The following NRXN3 variants were observed in gnomAD, a reference collection of about 807,000 sequenced individuals.
The protein encoded by NRXN3 is neurexin 3, also known as neurexin III.
A neutral mutation model predicts 137.6 loss-of-function variants in NRXN3; 32 were observed. The observed-to-expected ratio is 0.23, with a 90% CI of 0.18 to 0.31. The LOEUF is 0.31. NRXN3 is among the 10% of genes least tolerant of loss of function. NRXN3 has a pLI of 1.00. For missense variants in NRXN3, 1,574 were observed against 2,062.5 expected (o/e 0.76, Z 4.59); for synonymous variants, 798 against 784.5 (o/e 1.02, Z -0.29).
intron 4 of NRXN3, among the ~76,000 whole-genome samples, chr14:78,528,460 G>A (rs569758352): frequency 2.6e-5 from 4 of 152,188 alleles, no homozygotes; most frequent in East Asian, 3.9e-4. Context: ...CGGGATGGTT[G>A]TTTTATTTGA....
At position 79,468,262 on chromosome 14, in the gene NRXN3, T is replaced by C. The variant is rs144523713; in HGVS notation, c.3444+860T>C. On this transcript the variant is annotated intron_variant, in intron 16 of 20. Coordinates refer to ENST00000335750, the MANE Select transcript of NRXN3 (RefSeq NM_001330195.2). ...TTTGTTATAAGGATGGAAAATATTT[T>C]TACAGCAACAATTAACCCATTTTAT... 1.3e-3 allele frequency among the ~76,000 whole-genome samples: 201 copies of C among 152,304 alleles called. 2 individuals carry two copies. The East Asian group carries it at 0.015, about 11-fold the overall frequency.
chr14:78,951,780 A>G (rs1053749499), intron 10 of NRXN3, among the ~76,000 whole-genome samples: 1 of 152,162 alleles, frequency 6.6e-6, no homozygotes, highest in Non-Finnish European at 1.5e-5. Context: ...CTGATGCTCA[A>G]TTAGCATTTG....
chr14:79,747,939 A>T (rs2098984661), intron 19 of NRXN3, among the ~76,000 whole-genome samples: 1 of 151,984 alleles, frequency 6.6e-6, no homozygotes. Flanking sequence ...GGTTATTGTG[A>T]ACTCTAAATA....
chr14:79,730,158 T>C (rs1479766562), intron 19 of NRXN3, among the ~76,000 whole-genome samples: 1 of 152,144 alleles, frequency 6.6e-6, no homozygotes, highest in Non-Finnish European at 1.5e-5. Flanking sequence ...CTCTTCTTTT[T>C]CCTACTAAAG....
intron 10 of NRXN3, among the ~76,000 whole-genome samples, chr14:78,872,257 A>G (rs1231968094): frequency 4.1e-5 from 6 of 147,756 alleles, no homozygotes; most frequent in Non-Finnish European, 7.5e-5. Flanking sequence ...TTTATTATAT[A>G]TGTATATATA....
chr14:79,216,540 G>T (rs73325846), intron 15 of NRXN3, among the ~76,000 whole-genome samples: 1 of 152,102 alleles, frequency 6.6e-6, no homozygotes, highest in East Asian at 1.9e-4. Flanking sequence ...CTACAATATT[G>T]TTTGGTCATC....
chr14:78,314,913 TTC>T (rs2078430838), intron 4 of NRXN3, among the ~76,000 whole-genome samples: 1 of 113,156 alleles, frequency 8.8e-6, no homozygotes, highest in Non-Finnish European at 1.7e-5. Context: ...CTTTCTTTCT[TTC>T]TTTCTTTCTT....
chr14:78,333,057 A>G (rs2081027431), intron 4 of NRXN3, among the ~76,000 whole-genome samples: 1 of 152,178 alleles, frequency 6.6e-6, no homozygotes, highest in African/African-American at 2.4e-5. Flanking sequence ...GGGCCTTTCC[A>G]AAGATTGTGT....
chr14:78,695,318 C>A (rs373765824), intron 6 of NRXN3: 1 of 151,976 alleles, frequency 6.6e-6, no homozygotes, highest in East Asian at 1.9e-4. Flanking sequence ...TTACAGTTTC[C>A]ATGGATTAGG....
chr14:79,428,642 A>T (rs2153546637), intron 15 of NRXN3, among the ~76,000 whole-genome samples: 1 of 152,302 alleles, frequency 6.6e-6, no homozygotes, highest in Admixed American at 6.5e-5. Context: ...TGACCATCTA[A>T]ATATATAGCA....
At chr14:78,913,353 C>T (rs1483813433) in intron 10 of NRXN3, among the ~76,000 whole-genome samples, 1 of 137,126 alleles carries the variant, frequency 7.3e-6, no homozygotes, top group East Asian at 2.4e-4. Context: ...AATCTCAGTC[C>T]ACTGCAACCT....
chr14:78,355,565 C>T (rs529122537), intron 4 of NRXN3, among the ~76,000 whole-genome samples: 108 of 152,232 alleles, frequency 7.1e-4, no homozygotes, highest in African/African-American at 2.3e-3. Flanking sequence ...ATTATAGGCA[C>T]GTACCACTAT....
chr14:78,604,638 T>A (rs2097232151), intron 4 of NRXN3, among the ~76,000 whole-genome samples: 1 of 152,176 alleles, frequency 6.6e-6, no homozygotes, highest in African/African-American at 2.4e-5. Context: ...ATTTTAGAGA[T>A]CCCCTTCATT....
chr14:79,452,784 A>G (rs1054465187), intron 15 of NRXN3, among the ~76,000 whole-genome samples: 8 of 152,222 alleles, frequency 5.3e-5, no homozygotes, highest in South Asian at 4.1e-4. Context: ...CACTAGCAAA[A>G]GTCATTGTCT....
At chr14:79,249,270 CTG>C (rs2075627838) in intron 15 of NRXN3, among the ~76,000 whole-genome samples, 1 of 152,110 alleles carries the variant, frequency 6.6e-6, no homozygotes, top group Non-Finnish European at 1.5e-5. Flanking sequence ...CATTACAAAA[CTG>C]TGTCTGGCAC....
intron 15 of NRXN3, among the ~76,000 whole-genome samples, chr14:79,466,556 C>G (rs1305161932): frequency 2.6e-5 from 4 of 152,034 alleles, no homozygotes. Flanking sequence ...CCACTGCACT[C>G]CAGCCTGGGC....
chr14:78,894,176 G>A lies in NRXN3; in HGVS notation c.2276-63066G>A, dbSNP rs965898442. On this transcript the variant is annotated intron_variant, in intron 10 of 20. Coordinates refer to ENST00000335750, the MANE Select transcript of NRXN3 (RefSeq NM_001330195.2). ...TTTATCAATTAACTCTTGCTTTTAT[G>A]AAAGATATCTTTGTAGCATACGATG... is the stretch of plus-strand genomic sequence containing the variant. Among the ~76,000 whole-genome samples the A allele has an allele frequency of 2.0e-5, 3 of 151,888 alleles. No individual in the cohort carries two copies. The East Asian group carries it at 5.8e-4, about 29-fold the overall frequency.
chr14:79,036,228 T>G (rs1485910651), intron 15 of NRXN3, among the ~76,000 whole-genome samples: 3 of 152,102 alleles, frequency 2.0e-5, no homozygotes, highest in Non-Finnish European at 4.4e-5. Context: ...CTCCAACTTC[T>G]TATAACACAA....
intron 20 of NRXN3, among the ~76,000 whole-genome samples, chr14:79,809,508 G>A (rs955939927): frequency 4.6e-5 from 7 of 152,082 alleles, no homozygotes; most frequent in Admixed American, 3.9e-4. Flanking sequence ...CTGGGAACTA[G>A]ATTATTTTAT....
Sources: allele counts gnomAD v4.1 joint callset (sites outside exome capture counted in the v4.1 genomes callset), GRCh38; gene constraint gnomAD v4.1.1; transcripts MANE v1.5; gene names NCBI Gene and HGNC (gene_info 2026-07-23, HGNC 2026-07-21).